Variants in SMPX observed in about 807,000 individuals in gnomAD.
SMPX encodes the protein small muscular protein.
SMPX carries 2 observed loss-of-function variants against 6.3 expected under a neutral mutation model. That is an observed-to-expected ratio of 0.32 (90% CI 0.13 to 0.99). The LOEUF is 0.99. Ranked by LOEUF, SMPX falls within the 50% of genes least tolerant of loss-of-function variation. The probability of loss-of-function intolerance (pLI) is 0.49; values close to 1 mark genes in which losing one functional copy is unlikely to be tolerated. For synonymous variants in SMPX, 32 were observed against 24.7 expected, an observed-to-expected ratio of 1.30 and a Z score of -0.88; for missense variants, 60 against 66.8, an observed-to-expected ratio of 0.90 and a Z score of 0.36.
intron 4 of SMPX, among the ~76,000 whole-genome samples, chrX:21,721,144 G>C (rs2092791271): frequency 8.9e-6 from 1 of 111,925 alleles, no homozygotes. Flanking sequence ...GCTGGGTCTT[G>C]GTTGGACTAA....
intron 4 of SMPX, among the ~76,000 whole-genome samples, chrX:21,718,180 G>C (rs2092787392): frequency 8.9e-6 from 1 of 112,669 alleles, no homozygotes; most frequent in Non-Finnish European, 1.9e-5. Context: ...GTAGTGAAGT[G>C]CACAGGTCAC....
At chrX:21,726,213 G>A (rs762676891) in intron 4 of SMPX, among the ~76,000 whole-genome samples, 1 of 112,146 alleles carries the variant, frequency 8.9e-6, no homozygotes, top group South Asian at 3.7e-4. Context: ...AGTGGCTGCT[G>A]TAAGGTGGGC....
At chrX:21,718,637 G>A (rs866006612) in intron 4 of SMPX, among the ~76,000 whole-genome samples, 12 of 112,038 alleles carry the variant, frequency 1.1e-4, no homozygotes, top group Admixed American at 1.9e-4. Flanking sequence ...GCAGTCTCTC[G>A]GATCCCCTGG....
intron 2 of SMPX, among the ~76,000 whole-genome samples, chrX:21,749,615 G>A (rs1325967150): frequency 9.0e-6 from 1 of 111,633 alleles, no homozygotes; most frequent in African/African-American, 3.3e-5. Context: ...TTGATTTTAG[G>A]GCTTGACTAT....
rs1420830373 is a variant in SMPX, at chrX:21,714,312, TACTC to T, written c.*15-7922_*15-7919del. On this transcript the variant is annotated intron_variant, in intron 4 of 4. Transcript: ENST00000379494. ...GGACCATTGTATCATTTTCAAAATT[TACTC>T]AATCATTGAAGCATTTTTCCAGTTT... Among the ~76,000 whole-genome samples, 511 of 112,041 alleles carry T rather than the reference TACTC, an allele frequency of 4.6e-3. 2 individuals carry two copies. The highest frequency in any genetic ancestry group is 0.016 in the African/African-American group (496 of 30,830).
At chrX:21,727,305 G>C (rs2092798062) in intron 4 of SMPX, 1 of 112,475 alleles carries the variant, frequency 8.9e-6, no homozygotes, top group Admixed American at 9.4e-5. Flanking sequence ...TGAACACTCA[G>C]AATTTAATAA....
chrX:21,719,453 G>T (rs1449839204), intron 4 of SMPX, among the ~76,000 whole-genome samples: 1 of 110,072 alleles, frequency 9.1e-6, no homozygotes, highest in Non-Finnish European at 1.9e-5. Context: ...GGGAGGGGGC[G>T]GTTGCAGTGA....
chrX:21,735,197 C>T (rs990184916), intron 4 of SMPX, among the ~76,000 whole-genome samples: 8 of 111,931 alleles, frequency 7.1e-5, no homozygotes, highest in African/African-American at 1.9e-4. Context: ...TCTCCTTCTG[C>T]GACCACAGAC....
chrX:21,742,025 A>G (rs1210309286), intron 3 of SMPX, among the ~76,000 whole-genome samples: 2 of 112,136 alleles, frequency 1.8e-5, no homozygotes, highest in Non-Finnish European at 3.8e-5. Context: ...TGTGTGGAGG[A>G]AAGTACCAGT....
intron 3 of SMPX, among the ~76,000 whole-genome samples, chrX:21,738,301 A>G (rs1004996155): frequency 1.8e-5 from 2 of 111,568 alleles, no homozygotes; most frequent in Non-Finnish European, 3.8e-5. Flanking sequence ...TGTCTGTCAC[A>G]GAGGTGCACG....
At chrX:21,715,708 A>G (rs1332826657) in intron 4 of SMPX, among the ~76,000 whole-genome samples, 2 of 110,802 alleles carry the variant, frequency 1.8e-5, no homozygotes, top group African/African-American at 6.6e-5. Flanking sequence ...AGTAGTTTTC[A>G]ATAGAGGGAG....
chrX:21,749,888 C>T (rs2092825631), intron 2 of SMPX, among the ~76,000 whole-genome samples: 1 of 112,164 alleles, frequency 8.9e-6, no homozygotes, highest in Admixed American at 9.4e-5. Context: ...GAATTTACGT[C>T]GTAGAGCTAA....
At chrX:21,710,691 C>T (rs760781015) in intron 4 of SMPX, among the ~76,000 whole-genome samples, 1 of 111,469 alleles carries the variant, frequency 9.0e-6, no homozygotes, top group South Asian at 3.9e-4. Flanking sequence ...CTGTGCTCTT[C>T]CTCTTTACTT....
intron 4 of SMPX, among the ~76,000 whole-genome samples, chrX:21,730,252 A>G (rs1403470521): frequency 8.9e-6 from 1 of 111,995 alleles, no homozygotes. Context: ...GAAACAATAA[A>G]TCAGTCCTCT....
At chrX:21,726,692 C>G (rs1488841761) in intron 4 of SMPX, among the ~76,000 whole-genome samples, 1 of 112,022 alleles carries the variant, frequency 8.9e-6, no homozygotes, top group African/African-American at 3.3e-5. Flanking sequence ...AGAGTACCCA[C>G]CCTGAGGTGT....
In SMPX at chrX:21,730,785, GTC is replaced by G. The variant is rs199832287; in HGVS notation, c.*14+6762_*14+6763del. Among the ~76,000 whole-genome samples, 781 of 112,063 alleles carry G rather than the reference GTC, an allele frequency of 7.0e-3. 2 individuals carry two copies. Among genetic ancestry groups the G allele is most frequent in the Non-Finnish European group, 0.012 (649 of 53,137 alleles). On this transcript the variant is annotated intron_variant, in intron 4 of 4. Transcript: ENST00000379494. ...CTGGGCAATCATTTTTTATTTCCCA[GTC>G]TCTGTTACATTGTTATAGTGTTTAT...
intron 4 of SMPX, among the ~76,000 whole-genome samples, chrX:21,708,829 A>T (rs1219031466): frequency 8.9e-6 from 1 of 112,450 alleles, no homozygotes. Flanking sequence ...TTGTACAGCA[A>T]TGTTGTACAA....
intron 2 of SMPX, among the ~76,000 whole-genome samples, chrX:21,748,475 C>A (rs187210455): frequency 1.3e-3 from 143 of 111,723 alleles, no homozygotes; most frequent in African/African-American, 4.6e-3. Flanking sequence ...CAGTCGGGGG[C>A]AGGTTGTATT....
intron 1 of SMPX, among the ~76,000 whole-genome samples, 163 bp downstream of exon 1, chrX:21,757,779 T>C (rs1255390576): frequency 8.9e-6 from 1 of 111,955 alleles, no homozygotes; most frequent in Non-Finnish European, 1.9e-5. Flanking sequence ...CCCCTCACAA[T>C]TTATAAACAG....
Sources: gnomAD v4.1 joint callset for allele counts (sites outside exome capture counted in the v4.1 genomes callset) on GRCh38, gnomAD v4.1.1 for gene constraint, MANE v1.5 for transcripts, NCBI Gene and HGNC (gene_info 2026-07-23, HGNC 2026-07-21) for gene names.